Variants in C2orf78 observed in about 807,000 individuals in gnomAD.
C2orf78 encodes chromosome 2 open reading frame 78, also known as uncharacterized protein C2orf78.
In C2orf78, 12 loss-of-function variants were observed where a neutral mutation model predicts 21.4. That is an observed-to-expected ratio of 0.56 (90% CI 0.36 to 0.91). The LOEUF (loss-of-function observed/expected upper bound fraction) is 0.91, where lower values mean the gene tolerates loss of function less well. C2orf78 is among the 40% of genes least tolerant of loss of function. The pLI is 0.01. For missense variants in C2orf78, 1,042 were observed against 1,092.4 expected (o/e 0.95, Z 0.65); for synonymous variants, 396 against 413.9 (o/e 0.96, Z 0.52).
At chr2:73,809,775 C>A (rs1404983960) in intron 1 of C2orf78, among the ~76,000 whole-genome samples, 4 of 152,068 alleles carry the variant, frequency 2.6e-5, no homozygotes, top group Non-Finnish European at 5.9e-5. Flanking sequence ...CAAAGTGAGA[C>A]CCTGTCACAA....
chr2:73,815,323 C>T (rs1313848693), exon 3 of C2orf78: 7 of 1,613,936 alleles, frequency 4.3e-6, no homozygotes, highest in Non-Finnish European at 5.9e-6. Flanking sequence ...GAGATTAAAA[C>T]CAACCTTTCA....
Position 73,816,600 on chromosome 2 carries a change from C to T in C2orf78, c.2377C>T (p.Gln793Ter), listed in dbSNP as rs1673205567. The T allele has an allele frequency of 2.5e-6, 4 of 1,612,898 alleles. No individual in the cohort carries two copies. The highest frequency in any genetic ancestry group is 2.5e-6 in the Non-Finnish European group (3 of 1,179,370). The change falls in exon 3 of 3, where the codon CAA becomes TAA. Residue 793 changes from glutamine to a stop codon, truncating the protein, a stop_gained. Coordinates refer to ENST00000409561, the Ensembl canonical transcript of C2orf78. LOFTEE classifies it low-confidence loss of function (END_TRUNC). ...TCAGCCAATTTCAGCCAAAGCAACC[C>T]AACCCAGTTCAGCCAACCCTACCCA... is the stretch of plus-strand genomic sequence containing the variant.
intron 1 of C2orf78, among the ~76,000 whole-genome samples, chr2:73,811,996 T>C (rs1673099237): frequency 6.6e-6 from 1 of 152,206 alleles, no homozygotes; most frequent in African/African-American, 2.4e-5. Flanking sequence ...ATATTATGGC[T>C]ATTTTACATT....
chr2:73,808,089 C>G (rs1215537518), intron 1 of C2orf78, among the ~76,000 whole-genome samples: 2 of 150,970 alleles, frequency 1.3e-5, no homozygotes. Context: ...CCTGTCCCTA[C>G]TAAAAATACA....
At chr2:73,807,194 A>G (rs1426460372) in intron 1 of C2orf78, among the ~76,000 whole-genome samples, 1 of 101,680 alleles carries the variant, frequency 9.8e-6, no homozygotes, top group East Asian at 2.5e-4. Flanking sequence ...AAAAAAAAAA[A>G]GAATTGTCTA....
chr2:73,815,280 A>T, exon 3 of C2orf78: 1 of 1,613,968 alleles, frequency 6.2e-7, no homozygotes, highest in Non-Finnish European at 8.5e-7. Context: ...TCCAGCTCCA[A>T]GCCAGGAAAA....
At chr2:73,816,118 A>C (rs775902522) in exon 3 of C2orf78, 2 of 1,613,984 alleles carry the variant, frequency 1.2e-6, no homozygotes, top group Non-Finnish European at 1.7e-6. Flanking sequence ...CACATGCTAG[A>C]GTCCGTGCAA....
At chr2:73,815,074 T>C (rs747887728) in exon 3 of C2orf78, 3 of 1,608,646 alleles carry the variant, frequency 1.9e-6, no homozygotes, top group Non-Finnish European at 2.5e-6. Context: ...TTTGTAGTGA[T>C]GGAAACTTCC....
At chr2:73,806,961 C>T (rs1238295079) in intron 1 of C2orf78, among the ~76,000 whole-genome samples, 3 of 139,104 alleles carry the variant, frequency 2.2e-5, no homozygotes, top group Non-Finnish European at 4.5e-5. Context: ...CTGAGGTGGG[C>T]AGATCCCAAG....
chr2:73,808,744 T>G, intron 1 of C2orf78: 1 of 1,518,740 alleles, frequency 6.6e-7, no homozygotes, highest in Non-Finnish European at 8.8e-7. Context: ...CCTGTAAATT[T>G]GTATCATCAC....
intron 1 of C2orf78, among the ~76,000 whole-genome samples, chr2:73,811,990 T>G (rs1390596286): frequency 1.3e-5 from 2 of 152,212 alleles, no homozygotes; most frequent in Non-Finnish European, 2.9e-5. Context: ...CCACATATAT[T>G]ATGGCTATTT....
At chr2:73,811,082 G>A (rs960742855) in intron 1 of C2orf78, among the ~76,000 whole-genome samples, 1 of 151,144 alleles carries the variant, frequency 6.6e-6, no homozygotes, top group Non-Finnish European at 1.5e-5. Context: ...CCTGAGGTCA[G>A]GAGTTCGAGA....
exon 2 of C2orf78, chr2:73,813,997 G>A (rs1673142344): frequency 1.2e-6 from 2 of 1,613,904 alleles, no homozygotes; most frequent in Non-Finnish European, 8.5e-7. Flanking sequence ...TTCCCTGCCA[G>A]ATAGGAAGCC....
intron 1 of C2orf78, among the ~76,000 whole-genome samples, chr2:73,812,303 A>G (rs67567075): frequency 0.067 from 10,143 of 152,200 alleles, 376 homozygotes; most frequent in African/African-American, 0.091. Context: ...TTTCATTAAT[A>G]TCTATATATT....
chr2:73,809,027 G>A, intron 1 of C2orf78: 1 of 647,082 alleles, frequency 1.5e-6, no homozygotes, highest in Non-Finnish European at 2.5e-6. Context: ...GAAATCCAGA[G>A]ACCTCATTTC....
At chr2:73,808,232 T>A (rs1475907187) in intron 1 of C2orf78, among the ~76,000 whole-genome samples, 1 of 150,946 alleles carries the variant, frequency 6.6e-6, no homozygotes, top group East Asian at 1.9e-4. Flanking sequence ...CCAGCCTGGG[T>A]GACAGAGCCA....
chr2:73,813,736 A>G (rs780213731), exon 2 of C2orf78: 80 of 1,613,902 alleles, frequency 5.0e-5, no homozygotes, highest in Non-Finnish European at 6.5e-5. Context: ...TCTGTACTTC[A>G]GCTGCCTCTT....
At chr2:73,810,147 C>T (rs2103979428) in intron 1 of C2orf78, among the ~76,000 whole-genome samples, 1 of 152,182 alleles carries the variant, frequency 6.6e-6, no homozygotes, top group Middle Eastern at 3.4e-3. Context: ...GAAAAAGCAC[C>T]TTATCAGAAG....
intron 1 of C2orf78, among the ~76,000 whole-genome samples, chr2:73,808,405 A>T (rs1673003786): frequency 6.6e-6 from 1 of 151,214 alleles, no homozygotes; most frequent in Admixed American, 6.6e-5. Flanking sequence ...ATAAATGCAT[A>T]GTATTATATA....
Sources: allele counts gnomAD v4.1 joint callset (sites outside exome capture counted in the v4.1 genomes callset), GRCh38; gene constraint gnomAD v4.1.1; transcripts MANE v1.5; gene names NCBI Gene and HGNC (gene_info 2026-07-23, HGNC 2026-07-21).